The following SHISA9 variants were observed in gnomAD, a reference collection of about 807,000 sequenced individuals.
SHISA9 encodes the protein protein shisa-9.
In SHISA9, 13 loss-of-function variants were observed where a neutral mutation model predicts 38.0. The observed-to-expected ratio is 0.34, with a 90% CI of 0.22 to 0.54. The LOEUF is 0.54. Ranked by LOEUF, SHISA9 falls within the 20% of genes least tolerant of loss-of-function variation. The pLI is 0.91. For missense variants in SHISA9, 538 were observed against 575.8 expected (o/e 0.93, Z 0.67); for synonymous variants, 275 against 242.0 (o/e 1.14, Z -1.27).
chr16:13,150,911 T>G (rs1331724997), intron 2 of SHISA9, among the ~76,000 whole-genome samples: 1 of 152,248 alleles, frequency 6.6e-6, no homozygotes, highest in Non-Finnish European at 1.5e-5. Flanking sequence ...TTCCCTCATT[T>G]CTTCCTTTTT....
At chr16:13,301,137 G>C in the SHISA9 span, among the ~76,000 whole-genome samples, 1 of 152,160 alleles carries the variant, frequency 6.6e-6, no homozygotes, top group Non-Finnish European at 1.5e-5. Flanking sequence ...AAGTGCCTTA[G>C]AGAATTTGTG....
intron 4 of SHISA9, among the ~76,000 whole-genome samples, chr16:13,224,858 T>G (rs1201717457): frequency 6.6e-6 from 1 of 152,096 alleles, no homozygotes; most frequent in African/African-American, 2.4e-5. Context: ...ACAGCAGGGA[T>G]GATGTCCAAA....
chr16:13,412,173 A>G, the SHISA9 span, among the ~76,000 whole-genome samples: 3 of 152,134 alleles, frequency 2.0e-5, no homozygotes, highest in African/African-American at 7.2e-5. Context: ...TGGGTTCTCA[A>G]CTGCAAAGTG....
chr16:13,214,715 G>A (rs1223397266), intron 4 of SHISA9, among the ~76,000 whole-genome samples: 2 of 152,168 alleles, frequency 1.3e-5, no homozygotes, highest in Admixed American at 6.5e-5. Flanking sequence ...GGAGGAGCAA[G>A]TCACATCTTA....
chr16:13,391,906 T>G, the SHISA9 span, among the ~76,000 whole-genome samples: 1 of 152,202 alleles, frequency 6.6e-6, no homozygotes, highest in Non-Finnish European at 1.5e-5. Context: ...TGATGCAGAT[T>G]TAATCAAATG....
the SHISA9 span, among the ~76,000 whole-genome samples, chr16:13,489,024 C>T: frequency 2.0e-5 from 3 of 152,286 alleles, no homozygotes; most frequent in East Asian, 1.9e-4. Context: ...CTGCCCGCCT[C>T]GGCCTCCCAA....
At chr16:13,092,256 C>T (rs59909846) in intron 2 of SHISA9, among the ~76,000 whole-genome samples, 4,475 of 152,276 alleles carry the variant, frequency 0.029, 233 homozygotes, top group African/African-American at 0.1. Flanking sequence ...GGAGGTGTCT[C>T]CCAGTTAGGC....
In SHISA9 at chr16:13,201,016, CAAAT is replaced by C. The variant is rs1426423881; in HGVS notation, c.692-2374_692-2371del. On this transcript the variant is annotated intron_variant, in intron 2 of 4. Coordinates refer to ENST00000558583, the MANE Select transcript of SHISA9 (RefSeq NM_001145204.3). ...CTTTGAGGGAGTGTTCTTCAGGTAACAAATAAACACACACCTCTAAGGTTATGAG... is the reference window on the plus strand; with the variant it reads ...CTTTGAGGGAGTGTTCTTCAGGTAACAAACACACACCTCTAAGGTTATGAG... 5.9e-5 allele frequency among the ~76,000 whole-genome samples: 8 copies of C among 134,854 alleles called. 3 individuals carry two copies. The highest frequency in any genetic ancestry group is 1.3e-4 in the Non-Finnish European group (8 of 61,958). The allele number at this position is 134,854 out of a possible 152,430, so 88.5% of individuals were successfully genotyped here. A position where few individuals can be genotyped will look rare whatever the true frequency, so the allele number is the denominator to read the frequency against.
the SHISA9 span, among the ~76,000 whole-genome samples, chr16:13,338,859 T>G: frequency 3.3e-5 from 5 of 152,214 alleles, no homozygotes; most frequent in African/African-American, 1.2e-4. Flanking sequence ...AATATTTTCC[T>G]AAGTGTATTT....
At chr16:12,980,553 C>T (rs562101015) in intron 2 of SHISA9, among the ~76,000 whole-genome samples, 42 of 150,986 alleles carry the variant, frequency 2.8e-4, no homozygotes, top group Non-Finnish European at 5.8e-4. Context: ...TGAATTTTCA[C>T]TACAATGTGT....
intron 2 of SHISA9, among the ~76,000 whole-genome samples, chr16:13,074,125 A>G (rs778275878): frequency 5.3e-5 from 8 of 151,934 alleles, no homozygotes; most frequent in Non-Finnish European, 1.2e-4. Flanking sequence ...GCCCGCCATC[A>G]CGCCTGGCTA....
intron 2 of SHISA9, among the ~76,000 whole-genome samples, chr16:13,048,549 G>A (rs1373301910): frequency 2.6e-5 from 4 of 152,168 alleles, no homozygotes; most frequent in East Asian, 1.9e-4. Context: ...AGGCTCCTGA[G>A]TAGCTGGGAT....
the SHISA9 span, among the ~76,000 whole-genome samples, chr16:13,502,484 G>T: frequency 2.6e-5 from 4 of 152,134 alleles, no homozygotes; most frequent in African/African-American, 4.8e-5. Flanking sequence ...TATATTTATT[G>T]TATACCTACC....
the SHISA9 span, among the ~76,000 whole-genome samples, chr16:13,412,967 A>G: frequency 6.6e-6 from 1 of 152,116 alleles, no homozygotes; most frequent in Non-Finnish European, 1.5e-5. Context: ...ACAAATAAAT[A>G]AATAAATAAA....
intron 2 of SHISA9, among the ~76,000 whole-genome samples, chr16:13,027,684 T>G (rs1369380268): frequency 1.3e-5 from 2 of 151,946 alleles, no homozygotes; most frequent in African/African-American, 2.4e-5. Flanking sequence ...TGTATAGTGT[T>G]GGGAGGCTGA....
At chr16:13,039,350 G>A (rs2073107966) in intron 2 of SHISA9, among the ~76,000 whole-genome samples, 2 of 152,194 alleles carry the variant, frequency 1.3e-5, no homozygotes, top group African/African-American at 4.8e-5. Context: ...AGGAATTTGA[G>A]GCTGAGAGAG....
the SHISA9 span, among the ~76,000 whole-genome samples, chr16:13,270,728 G>T: frequency 6.6e-6 from 1 of 152,170 alleles, no homozygotes; most frequent in Non-Finnish European, 1.5e-5. Flanking sequence ...ATAAGGAAAT[G>T]ATTGTGCAGG....
chr16:13,151,322 G>C (rs150068), intron 2 of SHISA9, among the ~76,000 whole-genome samples: 78,606 of 151,786 alleles, frequency 0.52, 21,925 homozygotes, highest in Non-Finnish European at 0.61. Flanking sequence ...GGCCAGGCTG[G>C]TCTCTAACTC....
chr16:13,539,326 G>GTATAT, the SHISA9 span, among the ~76,000 whole-genome samples: 96 of 33,756 alleles, frequency 2.8e-3, 6 homozygotes, highest in East Asian at 0.011. Flanking sequence ...ATAAAGACAG[G>GTATAT]ATCTTTATAT....
Sources: gnomAD v4.1 joint callset for allele counts (sites outside exome capture counted in the v4.1 genomes callset) on GRCh38, gnomAD v4.1.1 for gene constraint, MANE v1.5 for transcripts, NCBI Gene and HGNC (gene_info 2026-07-23, HGNC 2026-07-21) for gene names.